Variants in TTC39B observed in about 807,000 individuals in gnomAD.
TTC39B encodes the protein tetratricopeptide repeat domain 39B.
Under a neutral mutation model 96.6 loss-of-function variants are expected in TTC39B, and 92 were observed. That is an observed-to-expected ratio of 0.95 (90% CI 0.80 to 1.13). The LOEUF is 1.13. Among genes scored for constraint, TTC39B ranks in the 50% most tolerant of loss-of-function variants. The pLI is 0.00. For synonymous variants in TTC39B, 367 were observed against 299.4 expected (o/e 1.23, Z -2.33); for missense variants, 955 against 809.3 (o/e 1.18, Z -2.18).
At chr9:15,267,367 C>A (rs1239174689) in intron 2 of TTC39B, among the ~76,000 whole-genome samples, 1 of 152,220 alleles carries the variant, frequency 6.6e-6, no homozygotes, top group Non-Finnish European at 1.5e-5. Context: ...ATTCAGTAAT[C>A]CTACATTTGT....
chr9:15,189,542 C>G (rs751659759), intron 13 of TTC39B, 32 bp downstream of exon 13: 4 of 1,612,832 alleles, frequency 2.5e-6, no homozygotes, highest in Middle Eastern at 1.6e-4. Context: ...ATACAGACAA[C>G]TCCCCCAAAT....
intron 2 of TTC39B, among the ~76,000 whole-genome samples, chr9:15,233,794 G>C (rs1014790880): frequency 2.0e-5 from 3 of 152,118 alleles, no homozygotes; most frequent in Admixed American, 6.5e-5. Flanking sequence ...TGGGAAGTGA[G>C]GAGCGTCTCT....
At chr9:15,285,733 T>C (rs1240593375) in intron 1 of TTC39B, among the ~76,000 whole-genome samples, 1 of 151,918 alleles carries the variant, frequency 6.6e-6, no homozygotes, top group Admixed American at 6.6e-5. Flanking sequence ...CGGGCGCCTG[T>C]AGTCCCAGCT....
intron 2 of TTC39B, among the ~76,000 whole-genome samples, chr9:15,227,010 T>C (rs1403787205): frequency 6.6e-6 from 1 of 152,184 alleles, no homozygotes; most frequent in Non-Finnish European, 1.5e-5. Context: ...TTTTGTTTTT[T>C]AATTCTAAGA....
intron 2 of TTC39B, among the ~76,000 whole-genome samples, chr9:15,237,774 A>G (rs911199127): frequency 1.3e-5 from 2 of 152,126 alleles, no homozygotes; most frequent in South Asian, 4.1e-4. Flanking sequence ...AGGAGGTGCA[A>G]TAACACCTTC....
intron 1 of TTC39B, among the ~76,000 whole-genome samples, chr9:15,273,490 G>A (rs1415516266): frequency 4.0e-5 from 6 of 151,898 alleles, no homozygotes; most frequent in Admixed American, 1.3e-4. Flanking sequence ...CCTCCTCCGC[G>A]TTCCTCCTCC....
chr9:15,249,843 T>C, intron 2 of TTC39B: 3 of 1,090,930 alleles, frequency 2.7e-6, no homozygotes. Flanking sequence ...CTTCCTTAAA[T>C]TAAACCCTCA....
intron 8 of TTC39B, among the ~76,000 whole-genome samples, chr9:15,198,506 G>C (rs890898529): frequency 6.7e-6 from 1 of 149,046 alleles, no homozygotes; most frequent in Non-Finnish European, 1.5e-5. Flanking sequence ...GCAAAATGTG[G>C]TAAATGAAAT....
At chr9:15,236,123 A>G (rs1821768690) in intron 2 of TTC39B, among the ~76,000 whole-genome samples, 2 of 152,262 alleles carry the variant, frequency 1.3e-5, no homozygotes, top group South Asian at 4.1e-4. Flanking sequence ...AGGGAGAAAG[A>G]AGACATAAAA....
chr9:15,245,317 A>G (rs960657557), intron 2 of TTC39B, among the ~76,000 whole-genome samples: 2 of 152,198 alleles, frequency 1.3e-5, no homozygotes, highest in African/African-American at 2.4e-5. Context: ...ACAAATATCT[A>G]TTAGTAGGAA....
chr9:15,181,839 G>A (rs912957339), intron 17 of TTC39B, among the ~76,000 whole-genome samples: 2 of 152,094 alleles, frequency 1.3e-5, no homozygotes, highest in African/African-American at 4.8e-5. Context: ...CAGTTCACAT[G>A]CCATACAATT....
intron 3 of TTC39B, among the ~76,000 whole-genome samples, chr9:15,219,350 C>G (rs1467665095): frequency 6.6e-6 from 1 of 152,146 alleles, no homozygotes; most frequent in East Asian, 1.9e-4. Flanking sequence ...TGCTAAGAAC[C>G]ACATATGCAC....
chr9:15,218,656 C>T (rs1820671042), intron 3 of TTC39B, among the ~76,000 whole-genome samples: 2 of 126,032 alleles, frequency 1.6e-5, no homozygotes, highest in African/African-American at 3.0e-5. Flanking sequence ...ATAATGAACA[C>T]ATAACTTATA....
At chr9:15,200,412 C>T (rs1819466009) in intron 7 of TTC39B, among the ~76,000 whole-genome samples, 1 of 152,212 alleles carries the variant, frequency 6.6e-6, no homozygotes, top group Non-Finnish European at 1.5e-5. Context: ...TACTCACACA[C>T]ATTTCTAGGC....
chr9:15,198,454 T>A (rs951451380), intron 8 of TTC39B, among the ~76,000 whole-genome samples: 5 of 89,790 alleles, frequency 5.6e-5, no homozygotes, highest in African/African-American at 1.9e-4. Flanking sequence ...AAGGTCTCGG[T>A]CGCAAAAATA....
intron 3 of TTC39B, among the ~76,000 whole-genome samples, chr9:15,223,158 T>A (rs578053270): frequency 6.6e-6 from 1 of 152,254 alleles, no homozygotes. Flanking sequence ...CAAGGCATTT[T>A]AGCTGATCAT....
chr9:15,304,310 C>T (rs1824687884), intron 1 of TTC39B, among the ~76,000 whole-genome samples: 1 of 152,300 alleles, frequency 6.6e-6, no homozygotes, highest in African/African-American at 2.4e-5. Flanking sequence ...GTGTAATACA[C>T]AAGAAAACCC....
chr9:15,246,190 T>C (rs1586951097), intron 2 of TTC39B, among the ~76,000 whole-genome samples: 1 of 151,680 alleles, frequency 6.6e-6, no homozygotes, highest in Non-Finnish European at 1.5e-5. Flanking sequence ...GAGGCAGAGG[T>C]TGTGGTGAGC....
At chr9:15,229,111 A>AT (rs1452475877) in intron 2 of TTC39B, among the ~76,000 whole-genome samples, 13 of 152,242 alleles carry the variant, frequency 8.5e-5, no homozygotes, top group South Asian at 4.1e-4. Context: ...TTAAGAATGC[A>AT]TTTTCTCATT....
Sources: allele counts gnomAD v4.1 joint callset (sites outside exome capture counted in the v4.1 genomes callset), GRCh38; gene constraint gnomAD v4.1.1; transcripts MANE v1.5; gene names NCBI Gene and HGNC (gene_info 2026-07-23, HGNC 2026-07-21).